Variants in ANKFN1 observed in about 807,000 individuals in gnomAD.
The protein encoded by ANKFN1 is ankyrin repeat and fibronectin type III domain containing 1.
A neutral mutation model predicts 108.7 loss-of-function variants in ANKFN1; 74 were observed. The ratio of observed to expected loss-of-function variants is 0.68; its 90% CI spans 0.56 to 0.83. The LOEUF (loss-of-function observed/expected upper bound fraction) is 0.83, where lower values mean the gene tolerates loss of function less well. Among genes scored for constraint, ANKFN1 ranks in the 40% least tolerant of loss-of-function variants. The pLI, the probability that ANKFN1 is intolerant of heterozygous loss-of-function variation, is 0.00. For synonymous variants in ANKFN1, 547 were observed against 516.2 expected, an observed-to-expected ratio of 1.06 and a Z score of -0.81; for missense variants, 1,505 against 1,382.3, an observed-to-expected ratio of 1.09 and a Z score of -1.41.
intron 15 of ANKFN1, among the ~76,000 whole-genome samples, chr17:56,470,529 C>T (rs1053693126): frequency 2.6e-5 from 4 of 152,174 alleles, no homozygotes; most frequent in Non-Finnish European, 4.4e-5. Context: ...GCCCTCAGGA[C>T]ACACCCAGTC....
chr17:56,084,906 A>C (rs940865057), intron 4 of ANKFN1, among the ~76,000 whole-genome samples: 1 of 150,918 alleles, frequency 6.6e-6, no homozygotes, highest in Non-Finnish European at 1.5e-5. Flanking sequence ...GTAATGCAAC[A>C]GCAATAAGGT....
At chr17:56,211,953 A>G (rs1239861633) in intron 1 of ANKFN1, among the ~76,000 whole-genome samples, 2 of 152,004 alleles carry the variant, frequency 1.3e-5, no homozygotes, top group Admixed American at 6.6e-5. Flanking sequence ...TTAATTTTGT[A>G]TCCTGAAACT....
intron 4 of ANKFN1, among the ~76,000 whole-genome samples, chr17:56,142,026 G>A (rs527961628): frequency 1.3e-5 from 2 of 150,272 alleles, no homozygotes; most frequent in African/African-American, 2.5e-5. Context: ...TGCCTCCCAG[G>A]TTCCAGTGAT....
rs1180070753 is a variant in ANKFN1, at chr17:56,514,485, T to C, written c.*3216T>C. On this transcript the variant is annotated 3_prime_UTR_variant, in exon 21 of 21. Transcript: ENST00000682825. Reference sequence around the variant, plus strand: ...TCCTGAGGGAGTACAACCTGGAAAATGCAAGTCATGGAAGTATATGTTTGG... The same window carrying C: ...TCCTGAGGGAGTACAACCTGGAAAACGCAAGTCATGGAAGTATATGTTTGG... Among the ~76,000 whole-genome samples, 1 of 152,158 alleles carries C rather than the reference T, an allele frequency of 6.6e-6. No homozygotes were observed. The highest frequency in any genetic ancestry group is 1.5e-5 in the Non-Finnish European group (1 of 68,026).
rs2143450934 is a variant in ANKFN1 at position 56,153,500 on chromosome 17, T to C, written c.-101T>C. The C allele has an allele frequency of 6.2e-7, 1 of 1,614,042 alleles. No homozygotes were observed. Among genetic ancestry groups the C allele is most frequent in the South Asian group, 1.1e-5 (1 of 91,076 alleles). ...CTCTTTCAACTCAAGAGCTCAGTCC[T>C]GTGTCTCTCATGGAGGCGTCTCTAA... On this transcript the variant is annotated 5_prime_UTR_variant, in exon 1 of 21. Transcript: ENST00000682825.
intron 15 of ANKFN1, among the ~76,000 whole-genome samples, chr17:56,470,258 CAT>C (rs1598670643): frequency 1.3e-5 from 2 of 152,120 alleles, no homozygotes; most frequent in Admixed American, 6.5e-5. Context: ...TACGTGTGCA[CAT>C]GTCTTTATAA....
intron 8 of ANKFN1, among the ~76,000 whole-genome samples, chr17:56,429,480 T>TTAAATTTCATA (rs2048682715): frequency 6.6e-6 from 1 of 152,242 alleles, no homozygotes; most frequent in Non-Finnish European, 1.5e-5. Flanking sequence ...TGAGTTGAAT[T>TTAAATTTCATA]TAAATTTCAT....
At position 56,055,566 on chromosome 17, in the gene ANKFN1, C is replaced by CATATATATACATATATATAT. The variant is rs1555588764; in HGVS notation, c.288+9250_288+9251insCATATATATATATATATATA. ...TATATGTGTGTGTGTGGTATATATA[C>CATATATATACATATATATAT]ATATATATATATATATATATATGTA... On this transcript the variant is annotated intron_variant, in intron 4 of 12. Transcript: ENST00000635860. Among the ~76,000 whole-genome samples the CATATATATACATATATATAT allele has an allele frequency of 3.2e-3, 154 of 47,438 alleles. 10 individuals are homozygous for CATATATATACATATATATAT. Among genetic ancestry groups the CATATATATACATATATATAT allele is most frequent in the African/African-American group, 0.017 (127 of 7,560 alleles). 31.1% of individuals were successfully genotyped at this position (47,438 alleles called of 152,430 possible).
intron 4 of ANKFN1, among the ~76,000 whole-genome samples, chr17:56,122,738 T>C (rs188416270): frequency 2.0e-5 from 3 of 152,262 alleles, no homozygotes; most frequent in African/African-American, 7.2e-5. Context: ...AATCCACAAA[T>C]TATAGTCACT....
chr17:56,072,679 C>A (rs1416970487), intron 4 of ANKFN1, among the ~76,000 whole-genome samples: 1 of 152,208 alleles, frequency 6.6e-6, no homozygotes, highest in Non-Finnish European at 1.5e-5. Flanking sequence ...CGGTAACTCA[C>A]TTTGAGTGTT....
At chr17:56,162,876 A>T (rs560377429) in intron 1 of ANKFN1, among the ~76,000 whole-genome samples, 1 of 152,156 alleles carries the variant, frequency 6.6e-6, no homozygotes, top group South Asian at 2.1e-4. Flanking sequence ...TCTCTACTAA[A>T]GTACACAAAT....
intron 5 of ANKFN1, among the ~76,000 whole-genome samples, chr17:56,353,613 G>A (rs973018241): frequency 1.3e-4 from 20 of 152,254 alleles, no homozygotes; most frequent in East Asian, 3.9e-4. Flanking sequence ...AGCCCAGCCA[G>A]GCTATCCTGT....
chr17:56,055,220 G>A (rs992241083), intron 4 of ANKFN1, among the ~76,000 whole-genome samples: 7 of 151,694 alleles, frequency 4.6e-5, no homozygotes, highest in African/African-American at 9.7e-5. Flanking sequence ...CCCACCTCCC[G>A]TTCTCCTCCC....
At position 56,215,137 on chromosome 17, in the gene ANKFN1, G is replaced by T. The variant is rs547072412; in HGVS notation, c.12+2458G>T. On this transcript the variant is annotated intron_variant, in intron 2 of 20. Coordinates refer to ENST00000682825, the MANE Select transcript of ANKFN1 (RefSeq NM_001370326.1). ...TGCCTCTGGTATAGAGTCATCTTTT[G>T]TGGCCAAGTAATTTGGGCTCTGTAC... Among the ~76,000 whole-genome samples the T allele has an allele frequency of 2.1e-3, 319 of 152,268 alleles. 2 individuals carry two copies. Among genetic ancestry groups the T allele is most frequent in the African/African-American group, 7.3e-3 (302 of 41,544 alleles).
intron 4 of ANKFN1, among the ~76,000 whole-genome samples, chr17:56,070,986 A>T (rs564193910): frequency 1.3e-5 from 2 of 148,810 alleles, no homozygotes; most frequent in African/African-American, 5.2e-5. Context: ...TGCCCACCTC[A>T]GCCTCCCAAA....
chr17:56,439,154 G>A (rs977332462), intron 8 of ANKFN1, among the ~76,000 whole-genome samples: 1 of 152,182 alleles, frequency 6.6e-6, no homozygotes, highest in Non-Finnish European at 1.5e-5. Context: ...CTGAAGAAGA[G>A]GAGAGAATGC....
rs1270345715 is a variant in ANKFN1 at position 56,510,498 on chromosome 17, A to G, written c.2670A>G (p.Glu890=). The change falls in exon 21 of 21, where the codon GAA becomes GAG. Residue 890 remains glutamate, a synonymous_variant. Transcript: ENST00000682825. ...ATTCACAGCCCTGCTCTGATGAAGA[A>G]GCCTGCTCAGAAGTCTTCCTCCCCA... ...VSDSQPCSDE[E]ACSEVFLPTN... 1.3e-6 allele frequency: 2 copies of G among 1,536,026 alleles called. No individual in the cohort carries two copies.
chr17:56,098,417 A>C (rs201858805), intron 4 of ANKFN1, among the ~76,000 whole-genome samples: 6 of 146,496 alleles, frequency 4.1e-5, no homozygotes, highest in African/African-American at 8.1e-5. Flanking sequence ...CATACACACA[A>C]ACACACACAC....
At chr17:56,282,412 T>A (rs2044108191) in intron 3 of ANKFN1, among the ~76,000 whole-genome samples, 1 of 152,138 alleles carries the variant, frequency 6.6e-6, no homozygotes, top group Non-Finnish European at 1.5e-5. Context: ...TATACATTTA[T>A]CAAAACATTT....
Sources: gnomAD v4.1 joint callset for allele counts (sites outside exome capture counted in the v4.1 genomes callset) on GRCh38, gnomAD v4.1.1 for gene constraint, MANE v1.5 for transcripts, NCBI Gene and HGNC (gene_info 2026-07-23, HGNC 2026-07-21) for gene names.